The following MTG1 variants were observed in gnomAD, a reference collection of about 807,000 sequenced individuals.
MTG1 encodes the protein mitochondrial ribosome associated GTPase 1, also known as mitochondrial ribosome-associated GTPase 1.
A neutral mutation model predicts 39.5 loss-of-function variants in MTG1; 30 were observed. The ratio of observed to expected loss-of-function variants is 0.76; its 90% CI spans 0.57 to 1.03. MTG1 has a LOEUF of 1.03. Among genes scored for constraint, MTG1 ranks in the 50% least tolerant of loss-of-function variants. The pLI, the probability that MTG1 is intolerant of heterozygous loss-of-function variation, is 0.00. For missense variants in MTG1, 513 were observed against 447.4 expected (o/e 1.15, Z -1.32); for synonymous variants, 217 against 179.0 (o/e 1.21, Z -1.69).
intron 9 of MTG1, among the ~76,000 whole-genome samples, chr10:133,409,319 G>A (rs1303830958): frequency 6.6e-6 from 1 of 152,132 alleles, no homozygotes; most frequent in African/African-American, 2.4e-5. Context: ...GGAGCGTGTT[G>A]TTTAATTTCC....
intron 6 of MTG1, 96 bp from the exon 7 acceptor site, chr10:133,401,433 G>T: frequency 9.8e-7 from 1 of 1,020,296 alleles, no homozygotes; most frequent in East Asian, 2.5e-5. Context: ...TCCCTGCTTG[G>T]CTGGTCAGAT....
chr10:133,419,960 G>A (rs942455325), intron 10 of MTG1, 66 bp from the exon 11 acceptor site: 71 of 1,528,986 alleles, frequency 4.6e-5, no homozygotes, highest in Non-Finnish European at 6.1e-5. Flanking sequence ...GGTCCCTCAG[G>A]TGGGTAAGGG....
chr10:133,399,655 T>C (rs1849843161), intron 6 of MTG1, 36 bp downstream of exon 6: 1 of 1,603,350 alleles, frequency 6.2e-7, no homozygotes. Context: ...TCAGGAAAGG[T>C]ACTGGCGCGT....
At chr10:133,408,013 T>C (rs944797629) in intron 9 of MTG1, among the ~76,000 whole-genome samples, 1 of 152,252 alleles carries the variant, frequency 6.6e-6, no homozygotes, top group Non-Finnish European at 1.5e-5. Context: ...CATCTGTGAA[T>C]AAGGATAATT....
intron 9 of MTG1, among the ~76,000 whole-genome samples, chr10:133,404,712 G>A (rs1849944389): frequency 1.3e-5 from 2 of 152,030 alleles, no homozygotes; most frequent in South Asian, 4.1e-4. Flanking sequence ...CTGATTTTTT[G>A]GTATATGGTA....
At chr10:133,415,161 A>G (rs1589918314) in intron 9 of MTG1, among the ~76,000 whole-genome samples, 1 of 151,488 alleles carries the variant, frequency 6.6e-6, no homozygotes, top group East Asian at 1.9e-4. Flanking sequence ...CCGTGGAAAG[A>G]GAGGGAGAGG....
intron 9 of MTG1, 130 bp from the exon 10 acceptor site, chr10:133,419,350 C>T (rs765706926): frequency 2.2e-5 from 15 of 668,210 alleles, no homozygotes; most frequent in Admixed American, 1.0e-4. Context: ...TCCACAGCGC[C>T]GCAGTCACTG....
rs763177874 is a variant in MTG1, at chr10:133,399,629, C to T, written c.511+10C>T. 3.9e-5 allele frequency: 63 copies of T among 1,613,050 alleles called. No individual in the cohort carries two copies. Among genetic ancestry groups the T allele is most frequent in the Middle Eastern group, 3.3e-4 (2 of 6,084 alleles). On this transcript the variant is annotated intron_variant, in intron 6 of 10. Transcript: ENST00000317502. ...CAGCACCTCAGGAAAGGTACTGGCG[C>T]GTGCGGCTGATCACCTCAGGAAAGG...
intron 6 of MTG1, among the ~76,000 whole-genome samples, chr10:133,400,308 C>T (rs1849856185): frequency 6.6e-6 from 1 of 152,254 alleles, no homozygotes; most frequent in Non-Finnish European, 1.5e-5. Context: ...TCCTCCATGG[C>T]GTCCGCCTTG....
At position 133,402,645 on chromosome 10, in the gene MTG1, A is replaced by G. The variant is rs1215768436; in HGVS notation, c.671-47A>G. 1 of 1,523,144 alleles carries G rather than the reference A, an allele frequency of 6.6e-7. No homozygotes were observed. The highest frequency in any genetic ancestry group is 8.9e-7 in the Non-Finnish European group (1 of 1,117,600). 94.4% of individuals were successfully genotyped at this position (1,523,144 alleles called of 1,614,324 possible). A position where few individuals can be genotyped will look rare whatever the true frequency, so the allele number is the denominator to read the frequency against. ...GGATGTGTTTGAACTTGGCAGGAAC[A>G]TAGATGTGGCTGTTTCCAGTGCTCA... On this transcript the variant is annotated intron_variant, in intron 8 of 10. Coordinates refer to ENST00000317502, the MANE Select transcript of MTG1 (RefSeq NM_138384.4). This position sits in a 1 kb window ranked among gnomAD's most constrained non-coding sequence, Gnocchi z 4.7.
intron 6 of MTG1, among the ~76,000 whole-genome samples, chr10:133,401,257 C>G (rs1295670099): frequency 6.6e-6 from 1 of 152,198 alleles, no homozygotes; most frequent in Non-Finnish European, 1.5e-5. Context: ...GAATCTCAGT[C>G]TCTGTGTGGC....
chr10:133,413,918 C>CTTT (rs1285224313), intron 9 of MTG1, among the ~76,000 whole-genome samples: 3 of 136,118 alleles, frequency 2.2e-5, no homozygotes, highest in Non-Finnish European at 3.2e-5. Context: ...GTTTTCTTTT[C>CTTT]TTTTTTTTTT....
At position 133,402,742 on chromosome 10, in the gene MTG1, C is replaced by CT. The variant is rs1432502160; in HGVS notation, c.722dup (p.Tyr242ValfsTer22). On this transcript the variant is annotated frameshift_variant, in exon 9 of 11. Transcript: ENST00000317502. LOFTEE classifies it high-confidence loss of function. The surrounding 1 kb of genome is among the most constrained non-coding windows in gnomAD (Gnocchi z 4.7). Reference sequence around the variant, plus strand: ...GGAGGAGACCATGGCTGACTACCTGCTGTACACCCTCAACAAACACCAGCG... The same window carrying CT: ...GGAGGAGACCATGGCTGACTACCTGCTTGTACACCCTCAACAAACACCAGCG... The CT allele has an allele frequency of 1.9e-6, 3 of 1,608,156 alleles. No individual in the cohort carries two copies. Among genetic ancestry groups the CT allele is most frequent in the Non-Finnish European group, 2.5e-6 (3 of 1,177,706 alleles).
chr10:133,417,871 A>G (rs1850156660), intron 9 of MTG1, among the ~76,000 whole-genome samples: 1 of 152,226 alleles, frequency 6.6e-6, no homozygotes. Context: ...AATGAAATAA[A>G]AGAGAATACA....
chr10:133,415,908 G>C (rs1850117475), intron 9 of MTG1, among the ~76,000 whole-genome samples: 1 of 128,946 alleles, frequency 7.8e-6, no homozygotes, highest in African/African-American at 2.9e-5. Flanking sequence ...AGGCACGTGG[G>C]CCTCAGGCAC....
At chr10:133,398,828 C>G (rs1404707697) in intron 4 of MTG1, among the ~76,000 whole-genome samples, 1 of 152,130 alleles carries the variant, frequency 6.6e-6, no homozygotes, top group African/African-American at 2.4e-5. Flanking sequence ...AAGGTAGTTA[C>G]AGCTGTCACT....
chr10:133,418,369 T>G (rs1850167425), intron 9 of MTG1, among the ~76,000 whole-genome samples: 1 of 152,102 alleles, frequency 6.6e-6, no homozygotes, highest in Non-Finnish European at 1.5e-5. Flanking sequence ...CTGTAAAAAT[T>G]CTTGAGCTTT....
At chr10:133,401,185 C>G (rs148774895) in intron 6 of MTG1, among the ~76,000 whole-genome samples, 2 of 152,256 alleles carry the variant, frequency 1.3e-5, no homozygotes, top group East Asian at 3.9e-4. Flanking sequence ...TCAGGTCTGA[C>G]CTCCGCAGTC....
At chr10:133,397,005 C>T (rs1323191077) in intron 3 of MTG1, among the ~76,000 whole-genome samples, 1 of 152,108 alleles carries the variant, frequency 6.6e-6, no homozygotes, top group Non-Finnish European at 1.5e-5. Flanking sequence ...TTAGAGAAGA[C>T]TCTACTCCTC....
Sources: allele counts gnomAD v4.1 joint callset (sites outside exome capture counted in the v4.1 genomes callset), GRCh38; gene constraint gnomAD v4.1.1; non-coding constraint Gnocchi (gnomAD v3.1); transcripts MANE v1.5; gene names NCBI Gene and HGNC (gene_info 2026-07-23, HGNC 2026-07-21).